SCARA5: variants seen among roughly 807,000 people sequenced by gnomAD.
SCARA5 encodes the protein scavenger receptor class A, member 5 (putative).
A neutral mutation model predicts 46.3 loss-of-function variants in SCARA5; 45 were observed. The ratio of observed to expected loss-of-function variants is 0.97; its 90% CI spans 0.76 to 1.24. SCARA5 has a LOEUF of 1.24. Ranked by LOEUF, SCARA5 falls within the 50% of genes most tolerant of loss-of-function variation. SCARA5 has a pLI of 0.00. For synonymous variants in SCARA5, 333 were observed against 306.5 expected (o/e 1.09, Z -0.90); for missense variants, 680 against 689.0 (o/e 0.99, Z 0.15).
chr8:27,917,357 A>G (rs1319417318), intron 4 of SCARA5, among the ~76,000 whole-genome samples: 2 of 152,180 alleles, frequency 1.3e-5, no homozygotes, highest in African/African-American at 2.4e-5. Flanking sequence ...GTTTGAGCCA[A>G]GGAGATTGGA....
Position 27,879,620 on chromosome 8 carries a change from G to T in SCARA5, c.1300C>A (p.Leu434Ile). 6.2e-7 allele frequency: 1 copy of T among 1,611,772 alleles called. No homozygotes were observed. The highest frequency in any genetic ancestry group is 8.5e-7 in the Non-Finnish European group (1 of 1,180,000). Residue 434 changes from leucine to isoleucine, a missense_variant, in exon 8 of 9, where the codon CTC (leucine) becomes ATC (isoleucine). By Grantham distance (5) the Leu-to-Ile change is conservative (BLOSUM62 2). Around this residue, in one of 3 missense-constraint regions of SCARA5, gnomAD observed 219 missense variants for 269.5 expected, o/e 0.81. Transcript: ENST00000354914. ...ACCTCCTCCACACCGCGGAAGCCGA[G>T]CATGCGGCACACCACGTCTCCGTCC... ...KKDGDVVCRM[L>I]GFRGVEEVYR... is the part of the protein sequence containing the mutation.
chr8:27,906,699 T>TTG (rs1394325332), intron 6 of SCARA5, among the ~76,000 whole-genome samples: 1 of 152,204 alleles, frequency 6.6e-6, no homozygotes, highest in Non-Finnish European at 1.5e-5. Context: ...TTCTAGATTT[T>TTG]TGTGTGTGTG....
chr8:27,904,347 ATAATC>A, intron 7 of SCARA5: 2 of 255,558 alleles, frequency 7.8e-6, no homozygotes, highest in Admixed American at 9.7e-5. Context: ...ACACAGAATA[ATAATC>A]ACAAACAGGT....
At chr8:27,905,869 C>T (rs935502454) in intron 6 of SCARA5, among the ~76,000 whole-genome samples, 4 of 151,962 alleles carry the variant, frequency 2.6e-5, no homozygotes, top group Non-Finnish European at 4.4e-5. Flanking sequence ...CCCCAACATG[C>T]CTGGCTAAGT....
chr8:27,879,508 G>A, intron 8 of SCARA5, 61 bp downstream of exon 8: 1 of 1,509,872 alleles, frequency 6.6e-7, no homozygotes, highest in Non-Finnish European at 9.1e-7. Flanking sequence ...CTTTGGAGGT[G>A]AGCCCAGTCC....
intron 3 of SCARA5, among the ~76,000 whole-genome samples, chr8:27,932,537 G>A (rs1807792826): frequency 6.6e-6 from 1 of 152,182 alleles, no homozygotes; most frequent in Admixed American, 6.5e-5. Flanking sequence ...CCACCAGGCT[G>A]GTGTCTCCTG....
At chr8:27,883,862 G>T (rs780981543) in intron 7 of SCARA5, among the ~76,000 whole-genome samples, 7 of 152,302 alleles carry the variant, frequency 4.6e-5, no homozygotes, top group Non-Finnish European at 1.0e-4. Flanking sequence ...CTACTAATAA[G>T]CGCGGCACTC....
chr8:27,927,577 G>A (rs1585494918), intron 3 of SCARA5, among the ~76,000 whole-genome samples: 1 of 151,748 alleles, frequency 6.6e-6, no homozygotes, highest in East Asian at 1.9e-4. Flanking sequence ...TGATTTTGAT[G>A]ACTGCCTATA....
chr8:27,871,685 A>G lies in SCARA5; in HGVS notation c.*249T>C, dbSNP rs867515236. On this transcript the variant is annotated 3_prime_UTR_variant, in exon 9 of 9. Transcript: ENST00000354914. ...GGGCAAAGTGGTGATCCAGTTGATC[A>G]GGGCTCCTCATGCAGGAACCTGGTG... 9.5e-6 allele frequency: 13 copies of G among 1,372,546 alleles called. No individual in the cohort carries two copies. Among genetic ancestry groups the G allele is most frequent in the Middle Eastern group, 2.7e-4 (1 of 3,658 alleles). The allele number at this position is 1,372,546 out of a possible 1,614,324, so 85.0% of individuals were successfully genotyped here. A position where few individuals can be genotyped will look rare whatever the true frequency, so the allele number is the denominator to read the frequency against.
chr8:27,940,277 A>G (rs1013282196), intron 3 of SCARA5, among the ~76,000 whole-genome samples: 2 of 152,308 alleles, frequency 1.3e-5, no homozygotes, highest in South Asian at 2.1e-4. Flanking sequence ...CCCACTTGCC[A>G]GGAATCTAGG....
intron 2 of SCARA5, among the ~76,000 whole-genome samples, chr8:27,970,335 A>G (rs1808429585): frequency 6.6e-6 from 1 of 152,218 alleles, no homozygotes; most frequent in Non-Finnish European, 1.5e-5. Context: ...CTCAGACACC[A>G]GACCAACCTG....
intron 7 of SCARA5, among the ~76,000 whole-genome samples, chr8:27,884,457 C>T (rs1163572904): frequency 6.6e-6 from 1 of 152,252 alleles, no homozygotes; most frequent in Non-Finnish European, 1.5e-5. Flanking sequence ...GCTGTCAGCC[C>T]TGGTTTCTCA....
In SCARA5 at chr8:27,982,903, G is replaced by A. The variant is rs150000172; in HGVS notation, c.112+4601C>T. 2.0e-3 allele frequency among the ~76,000 whole-genome samples: 312 copies of A among 152,276 alleles called. 3 individuals carry two copies. Among genetic ancestry groups the A allele is most frequent in the African/African-American group, 7.0e-3 (292 of 41,560 alleles). On this transcript the variant is annotated intron_variant, in intron 2 of 8. Transcript: ENST00000354914. ...GGGAGGGTGAAGAGAAATGAGGGGC[G>A]AGAAGGAAAGAGAAAAAAACAGCAG...
intron 3 of SCARA5, among the ~76,000 whole-genome samples, chr8:27,945,828 G>A (rs1808027598): frequency 6.6e-6 from 1 of 152,188 alleles, no homozygotes; most frequent in Admixed American, 6.5e-5. Context: ...TGTATGGAAA[G>A]CTTGATGAGA....
At chr8:27,989,307 T>C (rs1249897256) in intron 1 of SCARA5, among the ~76,000 whole-genome samples, 1 of 151,966 alleles carries the variant, frequency 6.6e-6, no homozygotes, top group African/African-American at 2.4e-5. Flanking sequence ...AGCTAATTTT[T>C]TGCAGAGATG....
At chr8:27,960,601 G>C (rs895698088) in intron 3 of SCARA5, among the ~76,000 whole-genome samples, 1 of 152,180 alleles carries the variant, frequency 6.6e-6, no homozygotes, top group Admixed American at 6.5e-5. Context: ...AAAAAACCAA[G>C]TCCCTTGGAG....
intron 3 of SCARA5, among the ~76,000 whole-genome samples, chr8:27,926,917 CT>C (rs1284492149): frequency 2.0e-5 from 3 of 152,154 alleles, no homozygotes; most frequent in African/African-American, 7.2e-5. Flanking sequence ...GTCCCTGGAG[CT>C]CCAAGAGGCA....
Position 27,907,372 on chromosome 8 carries a change from T to C in SCARA5, c.998-126A>G, listed in dbSNP as rs1197005066. On this transcript the variant is annotated intron_variant, in intron 5 of 8. Coordinates refer to ENST00000354914, the MANE Select transcript of SCARA5 (RefSeq NM_173833.6). ...TCTCTTAGCCTCTGTGTCTGGCTTT[T>C]TTCTGTTAATCTAAAGATGCCACCA... The C allele has an allele frequency of 6.6e-6, 4 of 603,378 alleles. No homozygotes were observed. In the African/African-American group the frequency reaches 7.5e-5, roughly 11 times the overall value. The allele number at this position is 603,378 out of a possible 1,614,324, so 37.4% of individuals were successfully genotyped here.
intron 4 of SCARA5, 79 bp downstream of exon 4, chr8:27,921,492 G>A: frequency 1.6e-6 from 2 of 1,269,756 alleles, no homozygotes; most frequent in African/African-American, 1.5e-5. Context: ...GGTACTCCTG[G>A]GTCCTTGGGG....
Sources: allele counts gnomAD v4.1 joint callset (sites outside exome capture counted in the v4.1 genomes callset), GRCh38; gene constraint gnomAD v4.1.1; regional missense constraint gnomAD v4.1.1; transcripts MANE v1.5; gene names NCBI Gene and HGNC (gene_info 2026-07-23, HGNC 2026-07-21).